RAI2: variants seen among roughly 807,000 people sequenced by gnomAD.
RAI2 encodes the protein retinoic acid induced 2.
In RAI2, 5 loss-of-function variants were observed where a neutral mutation model predicts 15.3. The ratio of observed to expected loss-of-function variants is 0.33; its 90% CI spans 0.17 to 0.69. The LOEUF is 0.69. Ranked by LOEUF, RAI2 falls within the 30% of genes least tolerant of loss-of-function variation. The probability of loss-of-function intolerance (pLI) is 0.69; values close to 1 mark genes in which losing one functional copy is unlikely to be tolerated. For missense variants in RAI2, 424 were observed against 424.7 expected (o/e 1.00, Z 0.01); for synonymous variants, 191 against 184.0 (o/e 1.04, Z -0.31).
intron 1 of RAI2, among the ~76,000 whole-genome samples, chrX:17,847,436 T>C (rs2147274311): frequency 8.8e-6 from 1 of 113,119 alleles, no homozygotes; most frequent in East Asian, 2.8e-4. Flanking sequence ...CCAAGGTCTT[T>C]ATCAAGGCAC....
At chrX:17,850,365 A>C (rs774847342) in intron 1 of RAI2, among the ~76,000 whole-genome samples, 51 of 111,812 alleles carry the variant, frequency 4.6e-4, no homozygotes, top group Non-Finnish European at 6.8e-4. Flanking sequence ...GGCTGAGGAG[A>C]GGGTGAAGGG....
At position 17,842,808 on chromosome X, in the gene RAI2, C is replaced by G. The variant is rs140722850; in HGVS notation, c.-25+18290G>C. On this transcript the variant is annotated intron_variant, in intron 1 of 1. Transcript: ENST00000451717. ...AAGTAAGTATGTCTACTTTTATGAT[C>G]ATAGAAAAACAAGATTTACTACCAA... is the stretch of plus-strand genomic sequence containing the variant. Among the ~76,000 whole-genome samples, 361 of 111,271 alleles carry G rather than the reference C, an allele frequency of 3.2e-3. 2 individuals are homozygous for G. Among genetic ancestry groups the G allele is most frequent in the African/African-American group, 0.011 (345 of 30,607 alleles).
At chrX:17,860,295 C>G in intron 1 of RAI2, among the ~76,000 whole-genome samples, 1 of 112,843 alleles carries the variant, frequency 8.9e-6, no homozygotes, top group Non-Finnish European at 1.9e-5. Flanking sequence ...GGCAAACAAG[C>G]AAACACACAG....
In RAI2 at chrX:17,817,074, T is replaced by C. The variant is rs867751250; in HGVS notation, c.-24-15040A>G. Among the ~76,000 whole-genome samples, 7 of 111,605 alleles carry C rather than the reference T, an allele frequency of 6.3e-5. No homozygotes were observed. The South Asian group carries it at 1.9e-3, about 30-fold the overall frequency. ...GCCGCCTGCCATCAGGAAAAACCAT[T>C]TGGGGCTTTAAGTGAGTGAGAAATC... is the stretch of plus-strand genomic sequence containing the variant. On this transcript the variant is annotated intron_variant, in intron 1 of 1. Transcript: ENST00000451717.
rs895936520 is a variant in RAI2 at position 17,858,549 on chromosome X, G to A, written c.-25+2549C>T. On this transcript the variant is annotated intron_variant, in intron 1 of 1. Transcript: ENST00000451717. The stretch of plus-strand genomic sequence containing the variant: ...CTCCATTCTGGATCAATGGATTTGG[G>A]AGGCCAGTCCTATCCTCAGCTTCTG... Among the ~76,000 whole-genome samples, 3 of 112,148 alleles carry A rather than the reference G, an allele frequency of 2.7e-5. No homozygotes were observed. The Admixed American group carries it at 2.8e-4, about 10-fold the overall frequency.
chrX:17,835,945 T>A (rs1182160188), intron 1 of RAI2, among the ~76,000 whole-genome samples: 3 of 112,519 alleles, frequency 2.7e-5, no homozygotes, highest in African/African-American at 9.7e-5. Context: ...TATTGTTTTA[T>A]TTTTTACAGG....
At chrX:17,825,605 G>A (rs2067216898) in intron 1 of RAI2, among the ~76,000 whole-genome samples, 2 of 112,538 alleles carry the variant, frequency 1.8e-5, no homozygotes, top group African/African-American at 6.5e-5. Context: ...CTGTGCATGT[G>A]TGGCTGGGCT....
Position 17,801,619 on chromosome X carries a change from A to C in RAI2, c.392T>G (p.Phe131Cys). ...GACCAGAGGGGAGTTGAGGTGCTGAAAGACGTGCTGCTCCAGCACCACGGG... is the reference window on the plus strand; with the variant it reads ...GACCAGAGGGGAGTTGAGGTGCTGACAGACGTGCTGCTCCAGCACCACGGG... ...QLPVVLEQHV[F>C]QHLNSPLVLP... The change falls in exon 2 of 2, where the codon TTT becomes TGT. Residue 131 changes from phenylalanine to cysteine, a missense_variant. Phe to Cys is a radical substitution (Grantham distance 205, BLOSUM62 -2). Coordinates refer to ENST00000451717, the MANE Select transcript of RAI2 (RefSeq NM_021785.6). 1.7e-6 allele frequency: 2 copies of C among 1,211,365 alleles called. No individual in the cohort carries two copies. Among genetic ancestry groups the C allele is most frequent in the East Asian group, 3.0e-5 (1 of 33,803 alleles).
rs769214491 is a variant in RAI2 at position 17,800,741 on chromosome X, C to T, written c.1270G>A (p.Ala424Thr). The T allele has an allele frequency of 8.3e-7, 1 of 1,211,621 alleles. No homozygotes were observed. The highest frequency in any genetic ancestry group is 1.1e-6 in the Non-Finnish European group (1 of 895,551). ...CCCACCATCTCAATGTTATTTTCAGCCTTGACTTCGCCGCTGGGGTGGTTG... is the reference window on the plus strand; with the variant it reads ...CCCACCATCTCAATGTTATTTTCAGTCTTGACTTCGCCGCTGGGGTGGTTG... The part of the protein sequence containing the change: ...QPNHPSGEVK[A>T]ENNIEMVGES... Residue 424 changes from alanine to threonine, a missense_variant, in exon 2 of 2, where the codon GCT (alanine) becomes ACT (threonine). Transcript: ENST00000451717.
chrX:17,829,086 G>A (rs2067255848), intron 1 of RAI2, among the ~76,000 whole-genome samples: 1 of 110,768 alleles, frequency 9.0e-6, no homozygotes, highest in Non-Finnish European at 1.9e-5. Flanking sequence ...GCAGTAGAAT[G>A]TCCTGAGCAC....
intron 1 of RAI2, among the ~76,000 whole-genome samples, chrX:17,826,218 T>C (rs1375342235): frequency 9.0e-6 from 1 of 111,414 alleles, no homozygotes; most frequent in Non-Finnish European, 1.9e-5. Flanking sequence ...ACTGGTTCCT[T>C]CTCAGCTAAG....
At chrX:17,811,073 T>C (rs2067044221) in intron 1 of RAI2, among the ~76,000 whole-genome samples, 1 of 112,566 alleles carries the variant, frequency 8.9e-6, no homozygotes, top group Non-Finnish European at 1.9e-5. Context: ...TGCCAGTCCC[T>C]AGACAGCTGG....
intron 1 of RAI2, among the ~76,000 whole-genome samples, chrX:17,852,359 T>C (rs1019442972): frequency 8.9e-6 from 1 of 111,858 alleles, no homozygotes; most frequent in Non-Finnish European, 1.9e-5. Context: ...ATCCTACACA[T>C]GACACTCTTT....
Position 17,801,756 on chromosome X carries a change from C to A in RAI2, c.255G>T (p.Glu85Asp), listed in dbSNP as rs758149133. Reference sequence around the variant, plus strand: ...TGTGAATGGGCATCACCACTGGGCTCTCCCCGAGGCACAGGGGCTGCAACA... The same window carrying A: ...TGTGAATGGGCATCACCACTGGGCTATCCCCGAGGCACAGGGGCTGCAACA... The part of the protein sequence containing the change: ...ATVLQPLCLG[E>D]SPVVMPIHMQ... The change falls in exon 2 of 2, where the codon GAG (glutamate) becomes GAT (aspartate). Residue 85 changes from glutamate (E) to aspartate (D), a missense_variant. Physicochemically the swap from Glu to Asp is conservative, Grantham distance 45 (BLOSUM62 2). Transcript: ENST00000451717. 8.3e-7 allele frequency: 1 copy of A among 1,211,795 alleles called. No individual in the cohort carries two copies. The highest frequency in any genetic ancestry group is 3.0e-5 in the East Asian group (1 of 33,804).
intron 1 of RAI2, among the ~76,000 whole-genome samples, chrX:17,832,087 CTTG>C (rs1218005910): frequency 1.8e-5 from 2 of 112,335 alleles, no homozygotes; most frequent in African/African-American, 6.5e-5. Context: ...TCACCACTGT[CTTG>C]TTGTTACCAA....
chrX:17,856,289 G>C (rs955117802), intron 1 of RAI2, among the ~76,000 whole-genome samples: 5 of 112,052 alleles, frequency 4.5e-5, no homozygotes, highest in Non-Finnish European at 7.5e-5. Flanking sequence ...CCAAACTCCT[G>C]TGTTGAAATC....
rs1210834210 is a variant in RAI2 at position 17,831,555 on chromosome X, C to T, written c.-24-29521G>A. ...ATTATTAACCCCAGAACATCATCTT[C>T]ACCCCTCTCCCCATTTTATCTACAT... On this transcript the variant is annotated intron_variant, in intron 1 of 1. Coordinates refer to ENST00000451717, the MANE Select transcript of RAI2 (RefSeq NM_021785.6). Among the ~76,000 whole-genome samples the T allele has an allele frequency of 3.6e-5, 4 of 111,717 alleles. No homozygotes were observed. The East Asian group carries it at 1.1e-3, about 31-fold the overall frequency.
chrX:17,810,518 C>T (rs1315744543), intron 1 of RAI2, among the ~76,000 whole-genome samples: 2 of 112,589 alleles, frequency 1.8e-5, no homozygotes, highest in African/African-American at 6.5e-5. Context: ...ATCTGGGACT[C>T]AGTTTCCTCT....
intron 1 of RAI2, among the ~76,000 whole-genome samples, chrX:17,842,655 G>GA (rs780365815): frequency 0.017 from 1,156 of 66,333 alleles, 17 homozygotes; most frequent in African/African-American, 0.047. Context: ...ATATGTATAG[G>GA]AAAAAAAAAA....
Sources: allele counts gnomAD v4.1 joint callset (sites outside exome capture counted in the v4.1 genomes callset), GRCh38; gene constraint gnomAD v4.1.1; transcripts MANE v1.5; gene names NCBI Gene and HGNC (gene_info 2026-07-23, HGNC 2026-07-21).